The following ASXL2 variants were observed in gnomAD, a reference collection of about 807,000 sequenced individuals.
ASXL2 encodes the protein putative Polycomb group protein ASXL2.
A neutral mutation model predicts 122.0 loss-of-function variants in ASXL2; 23 were observed. The ratio of observed to expected loss-of-function variants is 0.19; its 90% CI spans 0.14 to 0.27. The LOEUF is 0.27. Ranked by LOEUF, ASXL2 falls within the 10% of genes least tolerant of loss-of-function variation. The probability of loss-of-function intolerance (pLI) is 1.00; values close to 1 mark genes in which losing one functional copy is unlikely to be tolerated. For synonymous variants in ASXL2, 650 were observed against 637.0 expected (o/e 1.02, Z -0.31); for missense variants, 1,518 against 1,713.8 (o/e 0.89, Z 2.02).
chr2:25,809,869 C>T (rs530788247), intron 3 of ASXL2: 167 of 487,086 alleles, frequency 3.4e-4, no homozygotes, highest in Admixed American at 9.1e-4. Context: ...GTAGGCTGGC[C>T]TCAGATGGAA....
At chr2:25,767,781 C>A in intron 7 of ASXL2, 55 bp from the exon 8 acceptor site, 2 of 1,573,638 alleles carry the variant, frequency 1.3e-6, no homozygotes, top group Admixed American at 3.4e-5. Context: ...TAGACAGAAT[C>A]AATTAATCAA....
At chr2:25,796,291 C>T (rs1462757568) in intron 5 of ASXL2, among the ~76,000 whole-genome samples, 4 of 152,160 alleles carry the variant, frequency 2.6e-5, no homozygotes, top group African/African-American at 9.7e-5. Context: ...GACAACTCAC[C>T]TATCATCACT....
At chr2:25,871,182 G>C (rs2089959466) in intron 1 of ASXL2, among the ~76,000 whole-genome samples, 1 of 152,022 alleles carries the variant, frequency 6.6e-6, no homozygotes, top group African/African-American at 2.4e-5. Context: ...GATGTAAAAA[G>C]AAAGAATACA....
rs146869898 is a variant in ASXL2 at position 25,773,461 on chromosome 2, T to C, written c.404-1921A>G. On this transcript the variant is annotated intron_variant, in intron 5 of 12. Transcript: ENST00000435504. ...CGGGCGGATCACAAGGTCAGGAGAT[T>C]GAGACCATCCTGGCTAACACGGTGA... is the stretch of plus-strand genomic sequence containing the variant. 1.9e-4 allele frequency among the ~76,000 whole-genome samples: 29 copies of C among 151,706 alleles called. No homozygotes were observed. The East Asian group carries it at 3.5e-3, about 18-fold the overall frequency.
chr2:25,860,635 C>T (rs1324172420), intron 1 of ASXL2, among the ~76,000 whole-genome samples: 1 of 151,782 alleles, frequency 6.6e-6, no homozygotes, highest in Non-Finnish European at 1.5e-5. Flanking sequence ...TGCTTGAACC[C>T]GGATGGCAGA....
rs142755541 is a variant in ASXL2, at chr2:25,744,487, T to C, written c.1861-11A>G. 2.9e-4 allele frequency: 451 copies of C among 1,575,322 alleles called. 1 individual carries two copies. In the African/African-American group the frequency reaches 5.7e-3, roughly 20 times the overall value. On this transcript the variant is annotated splice_polypyrimidine_tract_variant and intron_variant, in intron 12 of 12. Coordinates refer to ENST00000435504, the MANE Select transcript of ASXL2 (RefSeq NM_018263.6). This position sits in a 1 kb window ranked among gnomAD's most constrained non-coding sequence, Gnocchi z 4.7. ...TCTGGAGACCGGGATCTGAAAGAAG[T>C]AGAGGGGAAAAAAACAACAGAGCTT...
At chr2:25,876,857 A>G (rs547430689) in intron 1 of ASXL2, among the ~76,000 whole-genome samples, 1 of 152,318 alleles carries the variant, frequency 6.6e-6, no homozygotes, top group East Asian at 1.9e-4. Context: ...AAACTCATCA[A>G]CCTCCTAATG....
At chr2:25,860,792 A>C (rs2089836266) in intron 1 of ASXL2, among the ~76,000 whole-genome samples, 1 of 151,840 alleles carries the variant, frequency 6.6e-6, no homozygotes, top group South Asian at 2.1e-4. Flanking sequence ...GCTGGTGATC[A>C]CTTGAGCTCA....
chr2:25,828,833 A>G (rs1329644627), intron 3 of ASXL2, among the ~76,000 whole-genome samples: 1 of 150,956 alleles, frequency 6.6e-6, no homozygotes, highest in East Asian at 1.9e-4. Context: ...TCAAAAAAAA[A>G]AAAAAAAAAA....
At chr2:25,824,087 C>T (rs1270177515) in intron 3 of ASXL2, among the ~76,000 whole-genome samples, 1 of 151,980 alleles carries the variant, frequency 6.6e-6, no homozygotes, top group African/African-American at 2.4e-5. Context: ...GTGTTGTCCT[C>T]CTCTAAAATA....
chr2:25,861,138 A>T (rs901510238), intron 1 of ASXL2, among the ~76,000 whole-genome samples: 1 of 152,212 alleles, frequency 6.6e-6, no homozygotes, highest in Non-Finnish European at 1.5e-5. Context: ...AAACAATGAA[A>T]TTGAAAACAA....
In ASXL2 at chr2:25,845,570, A is replaced by C; in HGVS notation, c.58-7T>G. On this transcript the variant is annotated splice_region_variant and splice_polypyrimidine_tract_variant and intron_variant, in intron 1 of 12. Coordinates refer to ENST00000435504, the MANE Select transcript of ASXL2 (RefSeq NM_018263.6). ...TGGGGTATTTTTCTAAGACCTGAAA[A>C]ACAAGTATATAATAATAAATTATTT... is the stretch of plus-strand genomic sequence containing the variant. 1 of 1,206,614 alleles carries C rather than the reference A, an allele frequency of 8.3e-7. No individual in the cohort carries two copies. Among genetic ancestry groups the C allele is most frequent in the Non-Finnish European group, 1.1e-6 (1 of 902,636 alleles). 74.7% of individuals were successfully genotyped at this position (1,206,614 alleles called of 1,614,324 possible).
intron 3 of ASXL2, among the ~76,000 whole-genome samples, chr2:25,818,095 T>C (rs182119848): frequency 1.3e-5 from 2 of 152,376 alleles, no homozygotes; most frequent in African/African-American, 4.8e-5. Flanking sequence ...CATCAAAGTA[T>C]ATTTTCAAAT....
At chr2:25,866,279 T>C (rs771065282) in intron 1 of ASXL2, among the ~76,000 whole-genome samples, 2 of 151,930 alleles carry the variant, frequency 1.3e-5, no homozygotes, top group African/African-American at 2.4e-5. Flanking sequence ...TACGGGTGCA[T>C]GCCACCACGC....
intron 10 of ASXL2, among the ~76,000 whole-genome samples, chr2:25,754,169 T>G (rs900242842): frequency 5.3e-5 from 8 of 152,150 alleles, no homozygotes; most frequent in African/African-American, 1.9e-4. Flanking sequence ...TTCTAATTGT[T>G]CCACAAATTG....
intron 1 of ASXL2, chr2:25,856,664 C>T (rs142785158): frequency 1.6e-6 from 2 of 1,263,804 alleles, no homozygotes; most frequent in East Asian, 2.4e-5. Context: ...GGTGGCTCAC[C>T]ATCAACCCTC....
chr2:25,808,371 C>T (rs150401946), intron 3 of ASXL2, among the ~76,000 whole-genome samples: 8,687 of 152,238 alleles, frequency 0.057, 298 homozygotes, highest in Middle Eastern at 0.088. Context: ...CTCACTCTAT[C>T]CCCCAGGCTG....
At chr2:25,814,786 T>C (rs1471934607) in intron 3 of ASXL2, among the ~76,000 whole-genome samples, 1 of 152,180 alleles carries the variant, frequency 6.6e-6, no homozygotes, top group African/African-American at 2.4e-5. Context: ...ATTGTACTGC[T>C]TAGATAAAGC....
At chr2:25,826,488 C>G (rs1278505053) in intron 3 of ASXL2, among the ~76,000 whole-genome samples, 1 of 152,094 alleles carries the variant, frequency 6.6e-6, no homozygotes, top group Non-Finnish European at 1.5e-5. Flanking sequence ...CTTTGATAAA[C>G]AGGTTTAAGG....
Sources: gnomAD v4.1 joint callset for allele counts (sites outside exome capture counted in the v4.1 genomes callset) on GRCh38, gnomAD v4.1.1 for gene constraint, Gnocchi (gnomAD v3.1) non-coding constraint, MANE v1.5 for transcripts, NCBI Gene and HGNC (gene_info 2026-07-23, HGNC 2026-07-21) for gene names.